MDGA2: variants seen among roughly 807,000 people sequenced by gnomAD.
MDGA2 encodes MAM domain-containing glycosylphosphatidylinositol anchor protein 2.
MDGA2 carries 40 observed loss-of-function variants against 117.8 expected under a neutral mutation model. The observed-to-expected ratio is 0.34, with a 90% CI of 0.26 to 0.44. The LOEUF is 0.44. MDGA2 is among the 20% of genes least tolerant of loss of function. MDGA2 has a pLI of 1.00. For missense variants in MDGA2, 1,123 were observed against 1,250.6 expected (o/e 0.90, Z 1.54); for synonymous variants, 452 against 439.0 (o/e 1.03, Z -0.37).
At position 46,982,734 on chromosome 14, in the gene MDGA2, A is replaced by AAAAAAAAAAAAAAT. The variant is rs1449356596; in HGVS notation, c.1820-25092_1820-25091insATTTTTTTTTTTTT. On this transcript the variant is annotated intron_variant, in intron 8 of 16. Transcript: ENST00000399232. ...AAAAAAAAAAAAAAAAAAAAAAAAA[A>AAAAAAAAAAAAAAT]AATCATGTCATCTGCAACCAGGGAC... is the stretch of plus-strand genomic sequence containing the variant. Among the ~76,000 whole-genome samples the AAAAAAAAAAAAAAT allele has an allele frequency of 4.4e-4, 58 of 130,404 alleles. 2 individuals are homozygous for AAAAAAAAAAAAAAT. Among genetic ancestry groups the AAAAAAAAAAAAAAT allele is most frequent in the Non-Finnish European group, 7.6e-4 (45 of 59,236 alleles). The allele number at this position is 130,404 out of a possible 152,430, so 85.6% of individuals were successfully genotyped here.
At chr14:47,079,661 C>T (rs1197140703) in intron 6 of MDGA2, among the ~76,000 whole-genome samples, 1 of 147,300 alleles carries the variant, frequency 6.8e-6, no homozygotes, top group Non-Finnish European at 1.5e-5. Flanking sequence ...TAGTTTTAGG[C>T]TGTGTTGACA....
intron 13 of MDGA2, 101 bp from the exon 14 acceptor site, chr14:46,873,692 G>A: frequency 1.9e-6 from 2 of 1,074,096 alleles, no homozygotes; most frequent in South Asian, 1.9e-5. Context: ...AAATAAAGAT[G>A]GATAGGAAGA....
At chr14:47,180,553 C>T (rs1185970335) in intron 3 of MDGA2, among the ~76,000 whole-genome samples, 2 of 152,056 alleles carry the variant, frequency 1.3e-5, no homozygotes, top group Non-Finnish European at 2.9e-5. Context: ...GACATACATG[C>T]AGCCAGAAAG....
chr14:46,972,245 G>C (rs1397814209), intron 8 of MDGA2, among the ~76,000 whole-genome samples: 1 of 152,246 alleles, frequency 6.6e-6, no homozygotes, highest in East Asian at 1.9e-4. Flanking sequence ...GTTAGTGCTG[G>C]AGAATTGGAG....
intron 8 of MDGA2, among the ~76,000 whole-genome samples, chr14:46,959,402 T>G (rs1885702768): frequency 6.6e-6 from 1 of 152,028 alleles, no homozygotes; most frequent in South Asian, 2.1e-4. Context: ...CTTTTAATCT[T>G]ATACTTTTAA....
chr14:47,228,053 T>A (rs570335319), intron 2 of MDGA2, among the ~76,000 whole-genome samples: 4 of 152,158 alleles, frequency 2.6e-5, no homozygotes, highest in African/African-American at 9.6e-5. Flanking sequence ...GTCTTTCCCA[T>A]CTCGATTACT....
chr14:47,635,167 TTTATA>T (rs1897302376), intron 1 of MDGA2, among the ~76,000 whole-genome samples: 2 of 152,128 alleles, frequency 1.3e-5, no homozygotes, highest in Non-Finnish European at 2.9e-5. Flanking sequence ...ACAGCTAGTT[TTTATA>T]TTAAAGTACT....
intron 1 of MDGA2, among the ~76,000 whole-genome samples, chr14:47,618,109 T>C (rs1461146919): frequency 1.3e-5 from 2 of 152,102 alleles, no homozygotes; most frequent in Non-Finnish European, 2.9e-5. Flanking sequence ...ATTATCATCA[T>C]TATGGCCAAA....
chr14:47,058,961 T>C (rs1394764088), intron 7 of MDGA2: 2 of 974,940 alleles, frequency 2.1e-6, no homozygotes. Flanking sequence ...CATTTTTATT[T>C]TCACTGGACA....
chr14:47,230,323 G>A (rs1310630434), intron 2 of MDGA2, among the ~76,000 whole-genome samples: 2 of 151,926 alleles, frequency 1.3e-5, no homozygotes, highest in Non-Finnish European at 2.9e-5. Context: ...AGGCATATAG[G>A]TTTGACAGAG....
At chr14:47,126,413 A>G (rs1881904655) in intron 5 of MDGA2, among the ~76,000 whole-genome samples, 1 of 152,138 alleles carries the variant, frequency 6.6e-6, no homozygotes, top group Non-Finnish European at 1.5e-5. Flanking sequence ...CAGCTAGATT[A>G]GGTGTGATAC....
At chr14:47,385,114 T>C (rs927435532) in intron 1 of MDGA2, among the ~76,000 whole-genome samples, 3 of 152,182 alleles carry the variant, frequency 2.0e-5, no homozygotes, top group Admixed American at 6.5e-5. Flanking sequence ...ATTTTACATA[T>C]ATGATGTATA....
At chr14:46,939,573 T>C (rs1249174262) in intron 9 of MDGA2, among the ~76,000 whole-genome samples, 1 of 152,184 alleles carries the variant, frequency 6.6e-6, no homozygotes, top group Non-Finnish European at 1.5e-5. Context: ...AAAACAATTA[T>C]TTCTAGGCCT....
chr14:47,082,655 C>T (rs922496007), intron 6 of MDGA2, among the ~76,000 whole-genome samples: 4 of 151,556 alleles, frequency 2.6e-5, no homozygotes, highest in Admixed American at 6.6e-5. Context: ...AATCCTGAGC[C>T]GGTTTTTCAT....
intron 8 of MDGA2, among the ~76,000 whole-genome samples, chr14:47,021,171 A>C (rs1376591322): frequency 6.6e-6 from 1 of 152,166 alleles, no homozygotes; most frequent in Non-Finnish European, 1.5e-5. Context: ...ATCAAGAAGA[A>C]ATAATATAGT....
Position 47,371,839 on chromosome 14 carries a change from T to C in MDGA2, c.281-70289A>G, listed in dbSNP as rs924529251. ...ATACAAATCAGTATTCCTACCTTTT[T>C]GATAAAAATATCTATTAGCATTATT... On this transcript the variant is annotated intron_variant, in intron 1 of 16. Coordinates refer to ENST00000399232, the MANE Select transcript of MDGA2 (RefSeq NM_001113498.3). Among the ~76,000 whole-genome samples the C allele has an allele frequency of 3.3e-5, 5 of 151,974 alleles. No homozygotes were observed. In the East Asian group the frequency reaches 9.6e-4, roughly 29 times the overall value.
At chr14:46,941,062 T>C (rs533996971) in intron 9 of MDGA2, among the ~76,000 whole-genome samples, 3 of 152,330 alleles carry the variant, frequency 2.0e-5, no homozygotes, top group Admixed American at 2.0e-4. Context: ...AGTTTTGAAT[T>C]TGAATCCTAG....
At chr14:47,354,444 G>A (rs1334518558) in intron 1 of MDGA2, among the ~76,000 whole-genome samples, 3 of 152,064 alleles carry the variant, frequency 2.0e-5, no homozygotes. Flanking sequence ...ATAAACTTTG[G>A]CAAATTCTCA....
intron 1 of MDGA2, among the ~76,000 whole-genome samples, chr14:47,582,106 A>G (rs995286433): frequency 6.6e-6 from 1 of 151,936 alleles, no homozygotes; most frequent in African/African-American, 2.4e-5. Context: ...TTTGATATAC[A>G]GTAAAGATTC....
Sources: gnomAD v4.1 joint callset for allele counts (sites outside exome capture counted in the v4.1 genomes callset) on GRCh38, gnomAD v4.1.1 for gene constraint, MANE v1.5 for transcripts, NCBI Gene and HGNC (gene_info 2026-07-23, HGNC 2026-07-21) for gene names.